PLCH2: variants seen among roughly 807,000 people sequenced by gnomAD.
PLCH2 encodes the protein phospholipase C eta 2, also known as 1-phosphatidylinositol 4,5-bisphosphate phosphodiesterase eta-2.
Under a neutral mutation model 134.7 loss-of-function variants are expected in PLCH2, and 98 were observed. That is an observed-to-expected ratio of 0.73 (90% CI 0.62 to 0.86). The LOEUF (loss-of-function observed/expected upper bound fraction) is 0.86. PLCH2 is among the 40% of genes least tolerant of loss of function. PLCH2 has a pLI of 0.00. For synonymous variants in PLCH2, 974 were observed against 827.5 expected (o/e 1.18, Z -3.04); for missense variants, 1,994 against 1,986.6 (o/e 1.00, Z -0.07).
At position 2,504,104 on chromosome 1, in the gene PLCH2, A is replaced by C; in HGVS notation, c.3142A>C (p.Thr1048Pro). 1 of 1,529,494 alleles carries C rather than the reference A, an allele frequency of 6.5e-7. No homozygotes were observed. 94.7% of individuals were successfully genotyped at this position (1,529,494 alleles called of 1,614,324 possible). The stretch of plus-strand genomic sequence containing the variant: ...CAATGTGGCAAGCCCCCTAGAGGAC[A>C]CTGAGGAGCCCCGAGACAGCAGGCC... ...GANVASPLED[T>P]EEPRDSRPRP... The change falls in exon 22 of 22, where the codon ACT (threonine) becomes CCT (proline). Residue 1048 changes from threonine (T) to proline (P), a missense_variant. This residue lies in a region of PLCH2 where 900 missense variants were observed against 752.3 expected (regional missense o/e 1.20). Transcript: ENST00000378486.
intron 2 of PLCH2, among the ~76,000 whole-genome samples, chr1:2,461,014 TCA>T (rs1640780142): frequency 6.6e-6 from 1 of 152,104 alleles, no homozygotes; most frequent in South Asian, 2.1e-4. Flanking sequence ...GGGCCGGATC[TCA>T]CACCCCCACA....
At chr1:2,470,328 G>A (rs1641265309) in intron 1 of PLCH2, among the ~76,000 whole-genome samples, 2 of 152,194 alleles carry the variant, frequency 1.3e-5, no homozygotes, top group Non-Finnish European at 2.9e-5. Context: ...CTCCCAAAAG[G>A]CAGGAGTGGG....
chr1:2,491,205 G>A lies in PLCH2; in HGVS notation c.1529G>A (p.Arg510Gln), dbSNP rs1304062233. The change falls in exon 11 of 22, where the codon CGA (arginine) becomes CAA (glutamine). Residue 510 changes from arginine (R) to glutamine (Q), a missense_variant. Around this residue, in one of 2 missense-constraint regions of PLCH2, gnomAD observed 1,094 missense variants for 1,234.3 expected, o/e 0.89. Coordinates refer to ENST00000378486, the MANE Select transcript of PLCH2 (RefSeq NM_014638.4). ...TGGCTCCTGCAGGCATCCACCAATC[G>A]AAAGCGTGTAGAAAACACTGCTAAG... Reference protein sequence around the residue: ...KLLNGDASTNRKRVENTAKRK... With the variant: ...KLLNGDASTNQKRVENTAKRK... 3.1e-6 allele frequency: 5 copies of A among 1,612,306 alleles called. No individual in the cohort carries two copies. The highest frequency in any genetic ancestry group is 1.7e-5 in the Admixed American group (1 of 59,894).
the PLCH2 span, among the ~76,000 whole-genome samples, chr1:2,419,433 G>T: frequency 1.2e-4 from 19 of 152,266 alleles, no homozygotes; most frequent in East Asian, 3.5e-3. Context: ...TCGAAGGGGC[G>T]CCTGTGCGGA....
upstream of PLCH2, among the ~76,000 whole-genome samples, chr1:2,474,345 T>C (rs1641501188): frequency 6.6e-6 from 1 of 151,820 alleles, no homozygotes; most frequent in Admixed American, 6.5e-5. Context: ...GGCGGTCCCT[T>C]TGGACCTCAG....
Position 2,502,190 on chromosome 1 carries a change from C to T in PLCH2, c.2740C>T (p.Arg914Trp), listed in dbSNP as rs189336246. ...CTCGCTGGACAGTCATGCTGCTGGG[C>T]GGCCCCCGGCCCGGCCCTCCGTTAG... Reference protein sequence around the residue: ...PGSLDSHAAGRPPARPSVSQR... With the variant: ...PGSLDSHAAGWPPARPSVSQR... Residue 914 changes from arginine (R) to tryptophan (W), a missense_variant, in exon 21 of 22, where the codon CGG (arginine) becomes TGG (tryptophan). Around this residue, in one of 2 missense-constraint regions of PLCH2, gnomAD observed 900 missense variants for 752.3 expected, o/e 1.20. Coordinates refer to ENST00000378486, the MANE Select transcript of PLCH2 (RefSeq NM_014638.4). The T allele has an allele frequency of 7.1e-4, 1,082 of 1,532,728 alleles. 3 individuals are homozygous for T. The highest frequency in any genetic ancestry group is 1.1e-3 in the Admixed American group (53 of 49,182). 94.9% of individuals were successfully genotyped at this position (1,532,728 alleles called of 1,614,324 possible).
chr1:2,462,709 G>A (rs1640883030), upstream of PLCH2, among the ~76,000 whole-genome samples: 1 of 152,090 alleles, frequency 6.6e-6, no homozygotes, highest in Admixed American at 6.5e-5. Flanking sequence ...TTTCACATGG[G>A]GCCCTGGGGG....
chr1:2,489,555 C>T (rs939898633), intron 9 of PLCH2, among the ~76,000 whole-genome samples, 177 bp downstream of exon 9: 2 of 152,218 alleles, frequency 1.3e-5, no homozygotes, highest in East Asian at 3.8e-4. Flanking sequence ...CTGGCTCAGG[C>T]CCCTCATGCA....
chr1:2,455,605 G>A (rs1308050674), intron 2 of PLCH2, among the ~76,000 whole-genome samples: 1 of 152,208 alleles, frequency 6.6e-6, no homozygotes, highest in African/African-American at 2.4e-5. Context: ...GCTGCCTGTG[G>A]GGGATGCCGA....
At position 2,448,111 on chromosome 1, in the gene PLCH2, C is replaced by G. The variant is rs12406076; in HGVS notation, c.115+17482C>G. On this transcript the variant is annotated intron_variant, in intron 2 of 3. Transcript: ENST00000609981. The surrounding 1 kb of genome is among the most constrained non-coding windows in gnomAD (Gnocchi z 4.0). ...AGGCAAAGGTGACCCTTGTCAGGAA[C>G]GCTTTGCTGACAGCTGGGCTGCCCT... Among the ~76,000 whole-genome samples the G allele has an allele frequency of 0.25, 38,506 of 152,160 alleles. 5,187 individuals carry two copies. The highest frequency in any genetic ancestry group is 0.41 in the East Asian group (2,115 of 5,146).
At chr1:2,442,565 C>T (rs1258198034) in intron 2 of PLCH2, among the ~76,000 whole-genome samples, 2 of 152,226 alleles carry the variant, frequency 1.3e-5, no homozygotes, top group African/African-American at 2.4e-5. Flanking sequence ...GTGGCCTGTG[C>T]CCCTTTCTCA....
chr1:2,498,210 A>C lies in PLCH2; in HGVS notation c.2225-313A>C. ...CTCAGCCTGAGTGGGCCCTGGGGAC[A>C]CTGTCACCAGAGACCCCACCCCTCA... On this transcript the variant is annotated intron_variant, in intron 16 of 21. Coordinates refer to ENST00000378486, the MANE Select transcript of PLCH2 (RefSeq NM_014638.4). This position sits in a 1 kb window ranked among gnomAD's most constrained non-coding sequence, Gnocchi z 5.4. The C allele has an allele frequency of 2.6e-6, 1 of 382,262 alleles. No homozygotes were observed. The allele number at this position is 382,262 out of a possible 1,614,324, so 23.7% of individuals were successfully genotyped here. A position where few individuals can be genotyped will look rare whatever the true frequency, so the allele number is the denominator to read the frequency against.
chr1:2,478,735 G>A (rs1641783379), intron 2 of PLCH2, 113 bp downstream of exon 2: 5 of 1,087,472 alleles, frequency 4.6e-6, no homozygotes, highest in Non-Finnish European at 6.7e-6. Context: ...CCTAGGCCTG[G>A]ACACCTCTGG....
the PLCH2 span, among the ~76,000 whole-genome samples, chr1:2,416,794 C>T: frequency 6.6e-6 from 1 of 152,142 alleles, no homozygotes; most frequent in Non-Finnish European, 1.5e-5. Flanking sequence ...ATGGGCTGGC[C>T]TGGGAAGTGA....
intron 2 of PLCH2, among the ~76,000 whole-genome samples, chr1:2,446,930 C>A (rs1639971799): frequency 6.6e-6 from 1 of 152,234 alleles, no homozygotes; most frequent in African/African-American, 2.4e-5. Context: ...CATGCACAAG[C>A]ACCTTTCCGG....
chr1:2,446,697 A>G (rs1407940378), intron 2 of PLCH2, among the ~76,000 whole-genome samples: 1 of 152,214 alleles, frequency 6.6e-6, no homozygotes, highest in Middle Eastern at 3.2e-3. Context: ...TCGGCTGCCC[A>G]GCCCAGCTGA....
chr1:2,478,884 G>C (rs1196306087), intron 2 of PLCH2, among the ~76,000 whole-genome samples: 1 of 152,162 alleles, frequency 6.6e-6, no homozygotes, highest in African/African-American at 2.4e-5. Flanking sequence ...TGAGTGCTGG[G>C]CTGGAAGGAG....
rs546157979 is a variant in PLCH2, at chr1:2,496,507, G to T, written c.1836-100G>T. On this transcript the variant is annotated intron_variant, in intron 13 of 21. Coordinates refer to ENST00000378486, the MANE Select transcript of PLCH2 (RefSeq NM_014638.4). ...TCTGATGGTTCGGGGCCTGCTGCGTGAATTAATGAGGCTGCCCGAGCCCTG... is the reference window on the plus strand; with the variant it reads ...TCTGATGGTTCGGGGCCTGCTGCGTTAATTAATGAGGCTGCCCGAGCCCTG... The T allele has an allele frequency of 7.8e-4, 761 of 980,024 alleles. 1 individual carries two copies. The highest frequency in any genetic ancestry group is 1.0e-3 in the Non-Finnish European group (659 of 634,684). 60.7% of individuals were successfully genotyped at this position (980,024 alleles called of 1,614,324 possible).
In PLCH2 at chr1:2,494,791, GTCCCGGCC is replaced by G. The variant is rs1333305766; in HGVS notation, c.1660-60_1660-53del. ...AGGCCTTCTGGGACCACCAGGGGCT[GTCCCGGCC>G]TCCCTGCCTGGTTCAAGGCTAGACT... On this transcript the variant is annotated intron_variant, in intron 11 of 21. Transcript: ENST00000378486. 2.4e-6 allele frequency: 3 copies of G among 1,228,962 alleles called. No homozygotes were observed. The African/African-American group carries it at 4.5e-5, about 18-fold the overall frequency. The allele number at this position is 1,228,962 out of a possible 1,614,324, so 76.1% of individuals were successfully genotyped here.
Sources: allele counts gnomAD v4.1 joint callset (sites outside exome capture counted in the v4.1 genomes callset), GRCh38; gene constraint gnomAD v4.1.1; regional missense constraint gnomAD v4.1.1; non-coding constraint Gnocchi (gnomAD v3.1); transcripts MANE v1.5; gene names NCBI Gene and HGNC (gene_info 2026-07-23, HGNC 2026-07-21).